The following WDR41 variants were observed in gnomAD, a reference collection of about 807,000 sequenced individuals.
The protein encoded by WDR41 is WD repeat domain 41, also known as WD repeat-containing protein 41.
Under a neutral mutation model 69.3 loss-of-function variants are expected in WDR41, and 63 were observed. The ratio of observed to expected loss-of-function variants is 0.91; its 90% CI spans 0.74 to 1.12. WDR41 has a LOEUF of 1.12. Ranked by LOEUF, WDR41 falls within the 50% of genes most tolerant of loss-of-function variation. The probability of loss-of-function intolerance (pLI) is 0.00; values close to 1 mark genes in which losing one functional copy is unlikely to be tolerated. For synonymous variants in WDR41, 185 were observed against 192.1 expected (o/e 0.96, Z 0.31); for missense variants, 543 against 534.5 (o/e 1.02, Z -0.16).
chr5:77,460,133 C>CTA (rs1799988010), intron 4 of WDR41, among the ~76,000 whole-genome samples: 1 of 152,198 alleles, frequency 6.6e-6, no homozygotes, highest in African/African-American at 2.4e-5. Flanking sequence ...CTGGGAAAGA[C>CTA]TATCATCCCA....
intron 1 of WDR41, among the ~76,000 whole-genome samples, chr5:77,518,475 C>T (rs1446143710): frequency 1.3e-5 from 2 of 152,002 alleles, no homozygotes; most frequent in South Asian, 2.1e-4. Context: ...TGGAATTTAT[C>T]CTATAGGATT....
intron 1 of WDR41, among the ~76,000 whole-genome samples, chr5:77,577,638 G>T (rs1242197943): frequency 6.6e-6 from 1 of 152,150 alleles, no homozygotes; most frequent in Non-Finnish European, 1.5e-5. Flanking sequence ...TTACCCTAGA[G>T]AAACTTTACA....
At chr5:77,489,411 A>C (rs760371860) in intron 2 of WDR41, 46 bp downstream of exon 2, 14 of 1,245,348 alleles carry the variant, frequency 1.1e-5, no homozygotes, top group African/African-American at 1.5e-5. Flanking sequence ...AATTCCCTAA[A>C]ACCTCTTCCC....
At chr5:77,445,988 CTG>C (rs1799365405) in intron 8 of WDR41, among the ~76,000 whole-genome samples, 1 of 152,158 alleles carries the variant, frequency 6.6e-6, no homozygotes. Flanking sequence ...CAAATTGTCT[CTG>C]TTTGCAGATG....
At chr5:77,546,730 T>C (rs1284424856) in intron 1 of WDR41, among the ~76,000 whole-genome samples, 1 of 152,050 alleles carries the variant, frequency 6.6e-6, no homozygotes, top group African/African-American at 2.4e-5. Flanking sequence ...TTGACACTAT[T>C]CCACAAGATA....
At chr5:77,531,835 A>G (rs1802532979) in intron 1 of WDR41, among the ~76,000 whole-genome samples, 1 of 152,014 alleles carries the variant, frequency 6.6e-6, no homozygotes, top group African/African-American at 2.4e-5. Flanking sequence ...TATGCTAAGT[A>G]AAAGAAGCCA....
chr5:77,543,920 C>T (rs1293944834), intron 1 of WDR41, among the ~76,000 whole-genome samples: 1 of 151,984 alleles, frequency 6.6e-6, no homozygotes, highest in African/African-American at 2.4e-5. Flanking sequence ...CACCAGGTAA[C>T]CCATAAAGAA....
chr5:77,577,866 C>A (rs955064753), intron 1 of WDR41, among the ~76,000 whole-genome samples: 5 of 152,188 alleles, frequency 3.3e-5, no homozygotes, highest in Non-Finnish European at 5.9e-5. Context: ...ATATACCTAA[C>A]ATCATAGCTT....
chr5:77,489,701 G>T, intron 1 of WDR41, 129 bp from the exon 2 acceptor site: 1 of 476,888 alleles, frequency 2.1e-6, no homozygotes, highest in African/African-American at 2.0e-5. Context: ...AAGCCTTAAG[G>T]TATCATGTTC....
At chr5:77,471,280 T>C (rs1404371985) in intron 2 of WDR41, among the ~76,000 whole-genome samples, 1 of 152,164 alleles carries the variant, frequency 6.6e-6, no homozygotes, top group Non-Finnish European at 1.5e-5. Context: ...CAAAGCAGTG[T>C]GTAGAGGGAA....
At chr5:77,455,188 A>G (rs965159683) in intron 5 of WDR41, among the ~76,000 whole-genome samples, 3 of 152,208 alleles carry the variant, frequency 2.0e-5, no homozygotes, top group Non-Finnish European at 4.4e-5. Context: ...TATGTAGGAA[A>G]TAGTATTTCA....
At chr5:77,534,665 C>T (rs1742932547) in intron 1 of WDR41, among the ~76,000 whole-genome samples, 1 of 152,072 alleles carries the variant, frequency 6.6e-6, no homozygotes. Flanking sequence ...AACCCCTGAG[C>T]TCAAATTATC....
chr5:77,560,141 C>A lies in WDR41; in HGVS notation c.42+60338G>T, dbSNP rs114791320. Among the ~76,000 whole-genome samples the A allele has an allele frequency of 1.5e-3, 233 of 152,204 alleles. 3 individuals are homozygous for A. Among genetic ancestry groups the A allele is most frequent in the African/African-American group, 5.4e-3 (224 of 41,550 alleles). On this transcript the variant is annotated intron_variant, in intron 1 of 5. Transcript: ENST00000509971. The stretch of plus-strand genomic sequence containing the variant: ...TCATAAACCAATCACACAAATTCAT[C>A]TGTTAGGTTGTATAAAAAAATTAGA...
At chr5:77,537,093 C>T (rs557190418) in intron 1 of WDR41, among the ~76,000 whole-genome samples, 1 of 152,304 alleles carries the variant, frequency 6.6e-6, no homozygotes, top group African/African-American at 2.4e-5. Flanking sequence ...CAAATATTGG[C>T]TATAATAATC....
At chr5:77,491,936 C>T (rs1430664959) in intron 1 of WDR41, 1 of 525,680 alleles carries the variant, frequency 1.9e-6, no homozygotes, top group Non-Finnish European at 3.3e-6. Context: ...AGCCGTGGGA[C>T]GGGGCCGGGG....
chr5:77,594,499 T>C (rs1022227038), intron 1 of WDR41, among the ~76,000 whole-genome samples: 1 of 152,044 alleles, frequency 6.6e-6, no homozygotes, highest in African/African-American at 2.4e-5. Flanking sequence ...TATAAAAATG[T>C]CTGTGATCCA....
At chr5:77,469,461 T>C (rs996465710) in intron 2 of WDR41, among the ~76,000 whole-genome samples, 8 of 152,196 alleles carry the variant, frequency 5.3e-5, no homozygotes, top group African/African-American at 1.9e-4. Context: ...CTGTATTCTG[T>C]ATTTTTAGAA....
intron 1 of WDR41, among the ~76,000 whole-genome samples, chr5:77,580,267 C>T (rs1743912293): frequency 6.6e-6 from 1 of 151,952 alleles, no homozygotes; most frequent in Non-Finnish European, 1.5e-5. Context: ...CTGGAGAGGC[C>T]TCAGAAAATT....
intron 2 of WDR41, among the ~76,000 whole-genome samples, chr5:77,485,498 C>A (rs544336782): frequency 1.3e-5 from 2 of 152,294 alleles, no homozygotes; most frequent in African/African-American, 2.4e-5. Flanking sequence ...TCATCTGATT[C>A]CTTTCCAGTC....
Sources: gnomAD v4.1 joint callset for allele counts (sites outside exome capture counted in the v4.1 genomes callset) on GRCh38, gnomAD v4.1.1 for gene constraint, MANE v1.5 for transcripts, NCBI Gene and HGNC (gene_info 2026-07-23, HGNC 2026-07-21) for gene names.